The following SSPN variants were observed in gnomAD, a reference collection of about 807,000 sequenced individuals.
SSPN encodes the protein K-ras oncogene-associated protein.
A neutral mutation model predicts 19.1 loss-of-function variants in SSPN; 15 were observed. The observed-to-expected ratio is 0.78, with a 90% CI of 0.52 to 1.21. The LOEUF (loss-of-function observed/expected upper bound fraction) is 1.21, where lower values mean the gene tolerates loss of function less well. SSPN is among the 50% of genes most tolerant of loss of function. The pLI is 0.00. For synonymous variants in SSPN, 147 were observed against 140.3 expected, an observed-to-expected ratio of 1.05 and a Z score of -0.34; for missense variants, 291 against 314.0, an observed-to-expected ratio of 0.93 and a Z score of 0.55.
upstream of SSPN, among the ~76,000 whole-genome samples, chr12:26,194,533 G>T (rs899217396): frequency 6.6e-6 from 1 of 152,190 alleles, no homozygotes; most frequent in East Asian, 1.9e-4. Flanking sequence ...CTACAGGTGC[G>T]TGCCACCACG....
chr12:26,193,367 A>T (rs923400029), upstream of SSPN, among the ~76,000 whole-genome samples: 2 of 152,156 alleles, frequency 1.3e-5, no homozygotes, highest in Admixed American at 6.5e-5. Context: ...TGATACTCAA[A>T]TTTTTTCATC....
At chr12:26,190,229 T>C (rs1565682215) in intron 1 of SSPN, among the ~76,000 whole-genome samples, 1 of 152,252 alleles carries the variant, frequency 6.6e-6, no homozygotes, top group Non-Finnish European at 1.5e-5. Context: ...AACAGCTGAA[T>C]AACTCAAGTG....
chr12:26,137,631 T>G (rs1944433415), intron 1 of SSPN, among the ~76,000 whole-genome samples: 1 of 61,792 alleles, frequency 1.6e-5, no homozygotes, highest in Non-Finnish European at 3.0e-5. Flanking sequence ...TGTGTGTGTG[T>G]GTATGTATAT....
intron 1 of SSPN, among the ~76,000 whole-genome samples, chr12:26,204,768 C>G (rs1944916703): frequency 6.6e-6 from 1 of 152,196 alleles, no homozygotes; most frequent in Non-Finnish European, 1.5e-5. Flanking sequence ...CTGGGCTCTG[C>G]TTTTCCTTCA....
intron 1 of SSPN, chr12:26,126,187 A>G (rs1283513941): frequency 3.9e-5 from 6 of 152,216 alleles, no homozygotes; most frequent in South Asian, 2.1e-4. Flanking sequence ...CTTTCCCCAG[A>G]GCCACCCTGG....
At chr12:26,141,456 GTTGT>G (rs1944460290) in intron 1 of SSPN, among the ~76,000 whole-genome samples, 1 of 152,178 alleles carries the variant, frequency 6.6e-6, no homozygotes, top group South Asian at 2.1e-4. Flanking sequence ...ATAAATTTGT[GTTGT>G]TTAAGCTGGT....
upstream of SSPN, among the ~76,000 whole-genome samples, chr12:26,191,879 G>T (rs1329686806): frequency 6.6e-6 from 1 of 152,158 alleles, no homozygotes; most frequent in Non-Finnish European, 1.5e-5. Context: ...GAACATTTCA[G>T]ATAGATTTAG....
intron 1 of SSPN, among the ~76,000 whole-genome samples, chr12:26,134,093 T>A (rs968030023): frequency 1.3e-5 from 2 of 152,258 alleles, no homozygotes; most frequent in African/African-American, 4.8e-5. Flanking sequence ...GTGGCCTGAA[T>A]ATGACTTAGT....
chr12:26,205,975 T>C (rs1944927697), intron 1 of SSPN, among the ~76,000 whole-genome samples: 2 of 152,212 alleles, frequency 1.3e-5, no homozygotes, highest in Admixed American at 1.3e-4. Context: ...CATTAAGGGC[T>C]TGAGACCAAC....
chr12:26,202,604 A>G (rs1402568553), intron 1 of SSPN, among the ~76,000 whole-genome samples: 7 of 152,228 alleles, frequency 4.6e-5, no homozygotes, highest in Non-Finnish European at 7.3e-5. Flanking sequence ...TGTTTGGTCT[A>G]ACAGTTGAAT....
chr12:26,174,162 G>A (rs958424756), intron 1 of SSPN, among the ~76,000 whole-genome samples: 34 of 152,044 alleles, frequency 2.2e-4, no homozygotes, highest in African/African-American at 5.8e-4. Context: ...ACTTCTTTGC[G>A]GTAGCCATGA....
intron 1 of SSPN, 107 bp from the exon 2 acceptor site, chr12:26,224,186 G>C (rs1400141262): frequency 1.3e-6 from 1 of 756,222 alleles, no homozygotes; most frequent in Admixed American, 2.3e-5. Flanking sequence ...AAAAGAAACG[G>C]ACAGCTTTAT....
intron 1 of SSPN, among the ~76,000 whole-genome samples, chr12:26,145,506 A>G (rs1196421730): frequency 6.6e-6 from 1 of 152,192 alleles, no homozygotes; most frequent in Non-Finnish European, 1.5e-5. Flanking sequence ...GGTGTCCGCT[A>G]TGCCTGGGAC....
At chr12:26,136,928 T>G (rs1050082587) in intron 1 of SSPN, among the ~76,000 whole-genome samples, 2 of 152,226 alleles carry the variant, frequency 1.3e-5, no homozygotes, top group African/African-American at 4.8e-5. Context: ...TTGTCGTAAG[T>G]TAAAGCCTTG....
chr12:26,229,817 AC>A (rs1259830158), intron 2 of SSPN, among the ~76,000 whole-genome samples: 1 of 152,216 alleles, frequency 6.6e-6, no homozygotes, highest in Non-Finnish European at 1.5e-5. Flanking sequence ...GAGTTCAATC[AC>A]AAAAATATTT....
At chr12:26,195,472 T>A, upstream of SSPN, 3 of 968,436 alleles carry the variant, frequency 3.1e-6, no homozygotes, top group South Asian at 4.9e-5. Flanking sequence ...GCGTTGGCAG[T>A]TGGCGACCCC....
At chr12:26,156,681 C>G (rs563820128) in intron 1 of SSPN, among the ~76,000 whole-genome samples, 1 of 152,172 alleles carries the variant, frequency 6.6e-6, no homozygotes, top group African/African-American at 2.4e-5. Flanking sequence ...CTGACTGCGA[C>G]GGAAGTTTCA....
At chr12:26,211,057 A>T (rs192878957) in intron 1 of SSPN, 1 of 152,262 alleles carries the variant, frequency 6.6e-6, no homozygotes, top group Admixed American at 6.5e-5. Flanking sequence ...TGAATTCAAG[A>T]TGGTTGAAAG....
chr12:26,224,742 C>A (rs1945159799), intron 2 of SSPN, among the ~76,000 whole-genome samples: 1 of 151,892 alleles, frequency 6.6e-6, no homozygotes, highest in Non-Finnish European at 1.5e-5. Context: ...AATAATGAAG[C>A]AGTCTAAGTG....
Sources: allele counts gnomAD v4.1 joint callset (sites outside exome capture counted in the v4.1 genomes callset), GRCh38; gene constraint gnomAD v4.1.1; transcripts MANE v1.5; gene names NCBI Gene and HGNC (gene_info 2026-07-23, HGNC 2026-07-21).